The following SEMA3A variants were observed in gnomAD, a reference collection of about 807,000 sequenced individuals.
The protein encoded by SEMA3A is semaphorin-3A.
SEMA3A carries 29 observed loss-of-function variants against 97.9 expected under a neutral mutation model. The observed-to-expected ratio is 0.30, with a 90% CI of 0.22 to 0.40. SEMA3A has a LOEUF of 0.40. Among genes scored for constraint, SEMA3A ranks in the 10% least tolerant of loss-of-function variants. The pLI is 1.00. For synonymous variants in SEMA3A, 321 were observed against 323.7 expected (o/e 0.99, Z 0.09); for missense variants, 763 against 951.3 (o/e 0.80, Z 2.60).
intron 3 of SEMA3A, among the ~76,000 whole-genome samples, chr7:84,207,544 C>T (rs947574702): frequency 4.6e-5 from 7 of 152,132 alleles, no homozygotes; most frequent in Admixed American, 1.3e-4. Flanking sequence ...CTCTGTTTAA[C>T]TGAAGAAATT....
intron 1 of SEMA3A, among the ~76,000 whole-genome samples, chr7:84,187,316 C>G (rs1385257597): frequency 6.6e-6 from 1 of 152,162 alleles, no homozygotes; most frequent in African/African-American, 2.4e-5. Context: ...TTAGCTACTA[C>G]TTGGTTTTAG....
intron 3 of SEMA3A, among the ~76,000 whole-genome samples, chr7:84,219,002 T>C (rs1249223743): frequency 3.3e-5 from 5 of 152,128 alleles, no homozygotes; most frequent in Admixed American, 3.3e-4. Flanking sequence ...AATATTGGTA[T>C]GGAGGATCTA....
chr7:84,420,351 C>G (rs1036109742), intron 1 of SEMA3A, among the ~76,000 whole-genome samples: 1 of 151,496 alleles, frequency 6.6e-6, no homozygotes, highest in South Asian at 2.1e-4. Context: ...CAAGTAGACA[C>G]AAAAAATATT....
At chr7:84,282,773 G>C (rs1800475058) in intron 3 of SEMA3A, among the ~76,000 whole-genome samples, 1 of 152,064 alleles carries the variant, frequency 6.6e-6, no homozygotes, top group Non-Finnish European at 1.5e-5. Flanking sequence ...CAGCACTTTG[G>C]GAGGCCAAGG....
intron 6 of SEMA3A, among the ~76,000 whole-genome samples, chr7:84,044,382 G>A (rs1052188107): frequency 1.3e-5 from 2 of 151,940 alleles, no homozygotes; most frequent in African/African-American, 4.8e-5. Flanking sequence ...TGGTGGCAGA[G>A]GAACATTTGA....
intron 3 of SEMA3A, among the ~76,000 whole-genome samples, chr7:84,247,691 C>A (rs997808716): frequency 6.6e-6 from 1 of 152,110 alleles, no homozygotes; most frequent in Non-Finnish European, 1.5e-5. Context: ...TTAATAAACT[C>A]AATGATCCAC....
intron 3 of SEMA3A, among the ~76,000 whole-genome samples, chr7:84,218,171 T>C (rs994909773): frequency 6.6e-6 from 1 of 152,136 alleles, no homozygotes; most frequent in Non-Finnish European, 1.5e-5. Context: ...TTCTAAATTG[T>C]TTATATTCAA....
chr7:83,963,034 CTG>C (rs1231941472), intron 16 of SEMA3A, among the ~76,000 whole-genome samples, 169 bp downstream of exon 16: 2 of 152,160 alleles, frequency 1.3e-5, no homozygotes, highest in African/African-American at 4.8e-5. Context: ...AGTACAAAGT[CTG>C]TCACGTCATC....
At chr7:84,400,438 A>C (rs1803871306) in intron 1 of SEMA3A, among the ~76,000 whole-genome samples, 1 of 152,190 alleles carries the variant, frequency 6.6e-6, no homozygotes. Context: ...TTAACAAAGA[A>C]ATTAAAATAA....
At chr7:84,205,550 CA>C (rs1798470606) in intron 3 of SEMA3A, among the ~76,000 whole-genome samples, 1 of 152,064 alleles carries the variant, frequency 6.6e-6, no homozygotes, top group African/African-American at 2.4e-5. Flanking sequence ...ATTTATAAAA[CA>C]ATTCATGTCC....
At chr7:84,360,034 T>C (rs1802673509) in intron 2 of SEMA3A, among the ~76,000 whole-genome samples, 1 of 151,034 alleles carries the variant, frequency 6.6e-6, no homozygotes, top group Admixed American at 6.6e-5. Context: ...TCTCTTTTCT[T>C]CTTTATTAGT....
chr7:84,100,994 A>G (rs894733052), intron 4 of SEMA3A, among the ~76,000 whole-genome samples: 1 of 152,014 alleles, frequency 6.6e-6, no homozygotes, highest in African/African-American at 2.4e-5. Context: ...CTACTTCCCC[A>G]TCTCTCATCC....
chr7:84,053,253 T>G (rs1359001105), intron 5 of SEMA3A, among the ~76,000 whole-genome samples: 1 of 106,764 alleles, frequency 9.4e-6, no homozygotes, highest in Admixed American at 1.1e-4. Flanking sequence ...CTGAGTTCAA[T>G]TCCTGGGTAT....
At chr7:84,051,038 C>A (rs912399525) in intron 5 of SEMA3A, among the ~76,000 whole-genome samples, 1 of 151,796 alleles carries the variant, frequency 6.6e-6, no homozygotes, top group African/African-American at 2.4e-5. Context: ...GGCATTATTT[C>A]GGAGGGCTCT....
At chr7:84,460,557 T>A (rs1200029033) in intron 1 of SEMA3A, among the ~76,000 whole-genome samples, 2 of 152,204 alleles carry the variant, frequency 1.3e-5, no homozygotes, top group African/African-American at 4.8e-5. Context: ...TACCACTTGA[T>A]AAAATCAAGT....
chr7:84,407,157 A>G (rs1403570129), intron 1 of SEMA3A, among the ~76,000 whole-genome samples: 2 of 152,184 alleles, frequency 1.3e-5, no homozygotes, highest in Non-Finnish European at 2.9e-5. Flanking sequence ...AAACCCCATC[A>G]TCTCAGCCCA....
rs1306123438 is a variant in SEMA3A at position 84,050,387 on chromosome 7, T to C, written c.548-3944A>G. Among the ~76,000 whole-genome samples the C allele has an allele frequency of 2.6e-5, 4 of 152,274 alleles. No individual in the cohort carries two copies. The East Asian group carries it at 7.7e-4, about 29-fold the overall frequency. On this transcript the variant is annotated intron_variant, in intron 5 of 16. Coordinates refer to ENST00000265362, the MANE Select transcript of SEMA3A (RefSeq NM_006080.3). The stretch of plus-strand genomic sequence containing the variant: ...CAGCACCTGTTGTTTCCTGACTTTT[T>C]AATGATTGCCATTCTAACTGGTGTG...
chr7:84,203,670 T>C (rs1798415923), intron 3 of SEMA3A, among the ~76,000 whole-genome samples: 1 of 150,776 alleles, frequency 6.6e-6, no homozygotes, highest in African/African-American at 2.4e-5. Context: ...TAGCAGGGAT[T>C]ACAGGTGTGT....
rs554908328 is a variant in SEMA3A, at chr7:84,294,898, T to A, written c.-83+12309A>T. Among the ~76,000 whole-genome samples, 5 of 152,166 alleles carry A rather than the reference T, an allele frequency of 3.3e-5. 1 individual carries two copies. Among genetic ancestry groups the A allele is most frequent in the African/African-American group, 1.2e-4 (5 of 41,552 alleles). Reference sequence around the variant, plus strand: ...TGAAATCTTTTTCCTAACCTTCCCATTTCCTCCCTGGAGGTAACAATAGGT... The same window carrying A: ...TGAAATCTTTTTCCTAACCTTCCCAATTCCTCCCTGGAGGTAACAATAGGT... On this transcript the variant is annotated intron_variant, in intron 3 of 3. Transcript: ENST00000424555.
Sources: gnomAD v4.1 joint callset for allele counts (sites outside exome capture counted in the v4.1 genomes callset) on GRCh38, gnomAD v4.1.1 for gene constraint, MANE v1.5 for transcripts, NCBI Gene and HGNC (gene_info 2026-07-23, HGNC 2026-07-21) for gene names.